The following KLRB1 variants were observed in gnomAD, a reference collection of about 807,000 sequenced individuals.
The protein encoded by KLRB1 is killer cell lectin like receptor B1.
Under a neutral mutation model 33.5 loss-of-function variants are expected in KLRB1, and 27 were observed. The observed-to-expected ratio is 0.81, with a 90% CI of 0.59 to 1.11. The LOEUF is 1.11. KLRB1 is among the 50% of genes most tolerant of loss of function. The pLI, the probability that KLRB1 is intolerant of heterozygous loss-of-function variation, is 0.00. For missense variants in KLRB1, 241 were observed against 254.1 expected (o/e 0.95, Z 0.35); for synonymous variants, 64 against 88.9 (o/e 0.72, Z 1.58).
At chr12:9,599,684 T>G in intron 3 of KLRB1, 83 bp downstream of exon 3, 1 of 852,254 alleles carries the variant, frequency 1.2e-6, no homozygotes, top group Non-Finnish European at 2.0e-6. Flanking sequence ...ACATATGGAT[T>G]GTTATGAATT....
chr12:9,597,312 A>T (rs1864500424), intron 5 of KLRB1, among the ~76,000 whole-genome samples: 1 of 152,168 alleles, frequency 6.6e-6, no homozygotes, highest in Admixed American at 6.6e-5. Flanking sequence ...TCTTTACAGA[A>T]ATGTGGTTGA....
intron 3 of KLRB1, 37 bp from the exon 4 acceptor site, chr12:9,598,690 A>T: frequency 1.3e-6 from 2 of 1,513,874 alleles, no homozygotes; most frequent in Non-Finnish European, 1.8e-6. Context: ...TAAATGTTAT[A>T]TTTCTAACCT....
chr12:9,598,485 A>G lies in KLRB1; in HGVS notation c.414+14T>C, dbSNP rs1864511833. ...GTGTTAAGTTTTATTAAGGTATTTT[A>G]TTTAATGATTTACCAATTCATCCTT... On this transcript the variant is annotated intron_variant, in intron 4 of 5. Transcript: ENST00000229402. 6.3e-7 allele frequency: 1 copy of G among 1,599,800 alleles called. No homozygotes were observed. Among genetic ancestry groups the G allele is most frequent in the Admixed American group, 1.8e-5 (1 of 56,980 alleles).
chr12:9,607,332 T>TTTCCTTCCTTCCTGCC (rs200381621), intron 1 of KLRB1, among the ~76,000 whole-genome samples: 12 of 58,668 alleles, frequency 2.0e-4, no homozygotes, highest in South Asian at 8.9e-4. Context: ...TTTCTCTTTC[T>TTTCCTTCCTTCCTGCC]TTCCTTTCTT....
intron 1 of KLRB1, among the ~76,000 whole-genome samples, chr12:9,606,921 A>G (rs1316844497): frequency 6.6e-6 from 1 of 150,662 alleles, no homozygotes; most frequent in Non-Finnish European, 1.5e-5. Context: ...ACACTTGGCT[A>G]TTTTTTTGTA....
At chr12:9,604,791 G>A (rs1343906573) in intron 1 of KLRB1, among the ~76,000 whole-genome samples, 1 of 151,876 alleles carries the variant, frequency 6.6e-6, no homozygotes, top group Non-Finnish European at 1.5e-5. Context: ...CTTTTATACT[G>A]ACTTAGTTAT....
At chr12:9,607,310 T>TCTTTC (rs1555097731) in intron 1 of KLRB1, among the ~76,000 whole-genome samples, 1 of 141,034 alleles carries the variant, frequency 7.1e-6, no homozygotes, top group Non-Finnish European at 1.6e-5. Context: ...CCTTTCTTTC[T>TCTTTC]TTCTTCTTTT....
intron 2 of KLRB1, among the ~76,000 whole-genome samples, chr12:9,600,698 G>A (rs370569309): frequency 1.6e-4 from 25 of 152,120 alleles, no homozygotes; most frequent in African/African-American, 5.6e-4. Context: ...CTTGAAGGCA[G>A]CATGCTCCTT....
chr12:9,598,254 CT>C, intron 4 of KLRB1, 93 bp from the exon 5 acceptor site: 1 of 834,008 alleles, frequency 1.2e-6, no homozygotes, highest in East Asian at 2.6e-5. Context: ...TCTCTGAAGT[CT>C]TTCCTAACTC....
At chr12:9,601,427 C>G (rs1591656845) in intron 2 of KLRB1, 74 bp downstream of exon 2, 4 of 1,127,466 alleles carry the variant, frequency 3.5e-6, no homozygotes, top group Admixed American at 1.8e-5. Context: ...GCAACCCACC[C>G]CTACAGAGAT....
rs1555097796 is a variant in KLRB1, at chr12:9,607,355, C to CTTTCTTTCTTT, written c.85+399_85+400insAAAGAAAGAAA. Among the ~76,000 whole-genome samples, 289 of 52,750 alleles carry CTTTCTTTCTTT rather than the reference C, an allele frequency of 5.5e-3. 3 individuals are homozygous for CTTTCTTTCTTT. The highest frequency in any genetic ancestry group is 0.013 in the African/African-American group (243 of 19,438). 34.6% of individuals were successfully genotyped at this position (52,750 alleles called of 152,430 possible). On this transcript the variant is annotated intron_variant, in intron 1 of 5. Transcript: ENST00000229402. ...TCTTTCCTTTCTTTCTTTCTTTCTT[C>CTTTCTTTCTTT]CTTTCTTTCTTTCTTTCTTTCTTTC... is the stretch of plus-strand genomic sequence containing the variant.
Position 9,606,767 on chromosome 12 carries a change from T to A in KLRB1, c.85+988A>T, listed in dbSNP as rs1409590026. On this transcript the variant is annotated intron_variant, in intron 1 of 5. Transcript: ENST00000229402. ...ATATATATATATATATATATTTTTT[T>A]TTTTTTTTTGAGATAGTCTTGCTGT... is the stretch of plus-strand genomic sequence containing the variant. Among the ~76,000 whole-genome samples, 9 of 130,878 alleles carry A rather than the reference T, an allele frequency of 6.9e-5. 1 individual carries two copies. Among genetic ancestry groups the A allele is most frequent in the South Asian group, 5.0e-4 (2 of 4,032 alleles). The allele number at this position is 130,878 out of a possible 152,430, so 85.9% of individuals were successfully genotyped here.
chr12:9,607,236 CT>C, intron 1 of KLRB1, among the ~76,000 whole-genome samples: 1 of 150,356 alleles, frequency 6.7e-6, no homozygotes, highest in African/African-American at 2.5e-5. Flanking sequence ...TCCATCCTTC[CT>C]TCCTTCCTCC....
chr12:9,604,355 C>T (rs1864577034), intron 1 of KLRB1, among the ~76,000 whole-genome samples: 1 of 152,050 alleles, frequency 6.6e-6, no homozygotes, highest in African/African-American at 2.4e-5. Context: ...CTCATATGTC[C>T]CTATTTAAGC....
In KLRB1 at chr12:9,595,207, T is replaced by C. The variant is rs1864481874; in HGVS notation, c.*67A>G. 2 of 1,395,576 alleles carry C rather than the reference T, an allele frequency of 1.4e-6. No homozygotes were observed. The highest frequency in any genetic ancestry group is 2.0e-6 in the Non-Finnish European group (2 of 989,644). 86.4% of individuals were successfully genotyped at this position (1,395,576 alleles called of 1,614,324 possible). ...ATGTGGCACTATTAGGTAGTACCAA[T>C]AGTATGTGCAGCTACAAGTACAGAG... On this transcript the variant is annotated 3_prime_UTR_variant, in exon 6 of 6. Coordinates refer to ENST00000229402, the MANE Select transcript of KLRB1 (RefSeq NM_002258.3).
chr12:9,604,153 G>A (rs905579977), intron 1 of KLRB1, among the ~76,000 whole-genome samples: 1 of 152,004 alleles, frequency 6.6e-6, no homozygotes, highest in Non-Finnish European at 1.5e-5. Context: ...GTGTTTCTGT[G>A]GCACCACGTG....
At chr12:9,603,963 GTGTC>G (rs1349785811) in intron 1 of KLRB1, among the ~76,000 whole-genome samples, 6 of 152,022 alleles carry the variant, frequency 3.9e-5, no homozygotes, top group East Asian at 1.9e-4. Context: ...GCTGGGCACA[GTGTC>G]TGGCACATGG....
intron 1 of KLRB1, among the ~76,000 whole-genome samples, chr12:9,607,409 C>CTTTCTTTCTTTCTTTCTTTTCT (rs1864632708): frequency 3.4e-5 from 3 of 88,110 alleles, no homozygotes; most frequent in African/African-American, 1.2e-4. Flanking sequence ...TCTTTCTTTT[C>CTTTCTTTCTTTCTTTCTTTTCT]TTTCTTTCTT....
chr12:9,598,999 A>G (rs766687345), intron 3 of KLRB1, among the ~76,000 whole-genome samples: 3 of 152,200 alleles, frequency 2.0e-5, no homozygotes, highest in African/African-American at 7.2e-5. Flanking sequence ...ATTTCCCACT[A>G]CTTCTCAGTT....
Sources: gnomAD v4.1 joint callset for allele counts (sites outside exome capture counted in the v4.1 genomes callset) on GRCh38, gnomAD v4.1.1 for gene constraint, MANE v1.5 for transcripts, NCBI Gene and HGNC (gene_info 2026-07-23, HGNC 2026-07-21) for gene names.